The following GRM1 variants were observed in gnomAD, a reference collection of about 807,000 sequenced individuals.
GRM1 encodes glutamate metabotropic receptor 1, also known as metabotropic glutamate receptor 1.
In GRM1, 33 loss-of-function variants were observed where a neutral mutation model predicts 90.9. The ratio of observed to expected loss-of-function variants is 0.36; its 90% CI spans 0.28 to 0.49. The LOEUF is 0.49. GRM1 is among the 20% of genes least tolerant of loss of function. The pLI is 0.99. For synonymous variants in GRM1, 700 were observed against 613.2 expected, an observed-to-expected ratio of 1.14 and a Z score of -2.09; for missense variants, 1,190 against 1,534.3, an observed-to-expected ratio of 0.78 and a Z score of 3.75.
At chr6:146,295,010 T>C (rs1783127371) in intron 2 of GRM1, among the ~76,000 whole-genome samples, 1 of 152,142 alleles carries the variant, frequency 6.6e-6, no homozygotes. Context: ...TGAATTTACA[T>C]ATAATCACTG....
Position 146,036,976 on chromosome 6 carries a change from G to A in GRM1, c.700+6759G>A, listed in dbSNP as rs1364659221. ...GAAGAGACATGTAAATATATAGACA[G>A]TTATAGGCTCATGGGTTAAAAAGAA... On this transcript the variant is annotated intron_variant, in intron 1 of 7. Transcript: ENST00000282753. Among the ~76,000 whole-genome samples, 7 of 151,958 alleles carry A rather than the reference G, an allele frequency of 4.6e-5. No individual in the cohort carries two copies. The East Asian group carries it at 1.4e-3, about 29-fold the overall frequency.
At chr6:146,358,536 G>A (rs1485917171) in intron 5 of GRM1, among the ~76,000 whole-genome samples, 2 of 152,188 alleles carry the variant, frequency 1.3e-5, no homozygotes, top group Non-Finnish European at 2.9e-5. Context: ...ATGTCTCACA[G>A]CACAGCTGGA....
chr6:146,380,366 T>A (rs1028389941), intron 5 of GRM1, among the ~76,000 whole-genome samples: 1 of 141,940 alleles, frequency 7.0e-6, no homozygotes, highest in Non-Finnish European at 1.5e-5. Context: ...AGGGCACCCA[T>A]CAGAGAGCCC....
At chr6:146,154,397 C>T (rs1777446909) in intron 1 of GRM1, among the ~76,000 whole-genome samples, 2 of 152,128 alleles carry the variant, frequency 1.3e-5, no homozygotes, top group African/African-American at 4.8e-5. Flanking sequence ...ATTCGCTGGC[C>T]AGCTGTGTGT....
At chr6:146,172,688 A>G (rs1207654023) in intron 2 of GRM1, among the ~76,000 whole-genome samples, 2 of 152,198 alleles carry the variant, frequency 1.3e-5, no homozygotes, top group African/African-American at 2.4e-5. Context: ...GTGATACTCA[A>G]TGTGGGGTTG....
chr6:146,240,311 G>A (rs1562550340), intron 2 of GRM1, among the ~76,000 whole-genome samples: 1 of 151,850 alleles, frequency 6.6e-6, no homozygotes, highest in Non-Finnish European at 1.5e-5. Flanking sequence ...CACCCAAAAG[G>A]GTAAATTAAG....
In GRM1 at chr6:146,304,611, T is replaced by C. The variant is rs2114925420; in HGVS notation, c.951T>C (p.Ser317=). 6.2e-7 allele frequency: 1 copy of C among 1,603,152 alleles called. No individual in the cohort carries two copies. Among genetic ancestry groups the C allele is most frequent in the East Asian group, 2.2e-5 (1 of 44,774 alleles). ...CTACCCCAATCCCTGCATTTTTTAGTGATGGATGGGCAGACAGAGATGAAG... is the reference window on the plus strand; with the variant it reads ...CTACCCCAATCCCTGCATTTTTTAGCGATGGATGGGCAGACAGAGATGAAG... ...GVVGEFSLIG[S]DGWADRDEVI... Residue 317 remains serine (S), a splice_region_variant and synonymous_variant, in exon 3 of 8, where the codon AGT becomes AGC. Coordinates refer to ENST00000282753, the MANE Select transcript of GRM1 (RefSeq NM_001278064.2).
intron 6 of GRM1, among the ~76,000 whole-genome samples, chr6:146,387,314 TTATA>T (rs1776544705): frequency 6.6e-6 from 1 of 152,060 alleles, no homozygotes; most frequent in Non-Finnish European, 1.5e-5. Context: ...CCACCTGAAT[TTATA>T]TTTGCAATCA....
intron 7 of GRM1, among the ~76,000 whole-genome samples, chr6:146,409,642 C>T (rs116835532): frequency 0.013 from 1,940 of 152,110 alleles, 47 homozygotes; most frequent in African/African-American, 0.045. Context: ...AATAAAAATA[C>T]ATTTTAAGTT....
chr6:146,125,804 T>C (rs1184975741), intron 1 of GRM1, among the ~76,000 whole-genome samples: 1 of 152,110 alleles, frequency 6.6e-6, no homozygotes, highest in Non-Finnish European at 1.5e-5. Context: ...AATTATTTCT[T>C]CATTTTATCA....
intron 2 of GRM1, among the ~76,000 whole-genome samples, chr6:146,245,598 G>C (rs183685707): frequency 6.6e-6 from 1 of 152,106 alleles, no homozygotes; most frequent in African/African-American, 2.4e-5. Flanking sequence ...ATAAAGAGTA[G>C]TTAAGTATTC....
chr6:146,400,731 A>G (rs556437994), intron 7 of GRM1, among the ~76,000 whole-genome samples: 1 of 152,252 alleles, frequency 6.6e-6, no homozygotes, highest in African/African-American at 2.4e-5. Context: ...CATTTTCTCC[A>G]CCAGCAGCAT....
intron 2 of GRM1, among the ~76,000 whole-genome samples, chr6:146,235,293 T>C (rs1780598883): frequency 6.6e-6 from 1 of 152,204 alleles, no homozygotes; most frequent in Non-Finnish European, 1.5e-5. Flanking sequence ...ATGTTTTTGT[T>C]ATTCCTATCT....
At chr6:146,102,651 A>C (rs1777088667) in intron 1 of GRM1, among the ~76,000 whole-genome samples, 1 of 152,198 alleles carries the variant, frequency 6.6e-6, no homozygotes, top group African/African-American at 2.4e-5. Flanking sequence ...TGATTTGATG[A>C]ACTAATAACT....
At chr6:146,228,605 A>G (rs918197043) in intron 2 of GRM1, among the ~76,000 whole-genome samples, 10 of 152,140 alleles carry the variant, frequency 6.6e-5, no homozygotes, top group Non-Finnish European at 1.3e-4. Context: ...AATTAGTGCA[A>G]TGACAGTTGT....
chr6:146,304,592 C>T lies in GRM1; in HGVS notation c.951-19C>T. On this transcript the variant is annotated intron_variant, in intron 2 of 7. Coordinates refer to ENST00000282753, the MANE Select transcript of GRM1 (RefSeq NM_001278064.2). ...TGTTTGTCTTTCTCTCTCCCTACCCCAATCCCTGCATTTTTTAGTGATGGA... is the reference window on the plus strand; with the variant it reads ...TGTTTGTCTTTCTCTCTCCCTACCCTAATCCCTGCATTTTTTAGTGATGGA... 6.6e-7 allele frequency: 1 copy of T among 1,518,244 alleles called. No homozygotes were observed. Among genetic ancestry groups the T allele is most frequent in the East Asian group, 2.3e-5 (1 of 44,336 alleles). 94.0% of individuals were successfully genotyped at this position (1,518,244 alleles called of 1,614,324 possible).
chr6:146,270,916 C>T (rs9497516), intron 2 of GRM1, among the ~76,000 whole-genome samples: 8,548 of 50,994 alleles, frequency 0.17, 781 homozygotes, highest in South Asian at 0.19. Context: ...TTTCTTTCTT[C>T]CTTCCTTCCT....
intron 2 of GRM1, among the ~76,000 whole-genome samples, chr6:146,163,803 T>C (rs1217538118): frequency 6.6e-6 from 1 of 152,210 alleles, no homozygotes; most frequent in Non-Finnish European, 1.5e-5. Context: ...TTTACATTTC[T>C]AGTTATTCTT....
At chr6:146,267,978 A>G (rs1781981885) in intron 2 of GRM1, among the ~76,000 whole-genome samples, 1 of 152,082 alleles carries the variant, frequency 6.6e-6, no homozygotes, top group African/African-American at 2.4e-5. Flanking sequence ...GGGTTGAATG[A>G]TATTTCTGCC....
Sources: allele counts gnomAD v4.1 joint callset (sites outside exome capture counted in the v4.1 genomes callset), GRCh38; gene constraint gnomAD v4.1.1; transcripts MANE v1.5; gene names NCBI Gene and HGNC (gene_info 2026-07-23, HGNC 2026-07-21).